Variants in INSR observed in about 807,000 individuals in gnomAD.
INSR encodes insulin receptor.
A neutral mutation model predicts 142.6 loss-of-function variants in INSR; 67 were observed. That is an observed-to-expected ratio of 0.47 (90% CI 0.39 to 0.58). The LOEUF is 0.58. INSR is among the 20% of genes least tolerant of loss of function. The probability of loss-of-function intolerance (pLI) is 0.00; values close to 1 mark genes in which losing one functional copy is unlikely to be tolerated. For missense variants in INSR, 1,248 were observed against 1,833.2 expected (o/e 0.68, Z 5.83); for synonymous variants, 756 against 743.1 (o/e 1.02, Z -0.28).
At chr19:7,170,410 A>G in intron 6 of INSR, 127 bp downstream of exon 6, 1 of 723,754 alleles carries the variant, frequency 1.4e-6, no homozygotes, top group Admixed American at 2.1e-5. Context: ...ATAGGAATAA[A>G]GTGCATAGTA....
intron 2 of INSR, among the ~76,000 whole-genome samples, chr19:7,230,299 A>C (rs1306498514): frequency 6.6e-6 from 1 of 152,162 alleles, no homozygotes; most frequent in Non-Finnish European, 1.5e-5. Context: ...CCAGCTCTAG[A>C]CTGAGGTCAG....
intron 1 of INSR, chr19:7,268,618 C>A: frequency 1.0e-6 from 1 of 985,096 alleles, no homozygotes; most frequent in Non-Finnish European, 1.2e-6. Context: ...TCCAAGACTC[C>A]TATCCTCCTC....
intron 13 of INSR, among the ~76,000 whole-genome samples, chr19:7,132,664 T>C (rs1007649928): frequency 2.0e-5 from 3 of 151,350 alleles, no homozygotes; most frequent in African/African-American, 7.3e-5. Flanking sequence ...TAATCTCGGC[T>C]CACTGCAACC....
At chr19:7,131,237 G>A (rs192425792) in intron 14 of INSR, among the ~76,000 whole-genome samples, 1 of 151,960 alleles carries the variant, frequency 6.6e-6, no homozygotes, top group Non-Finnish European at 1.5e-5. Flanking sequence ...CTTGAGAGTG[G>A]TGGGTGAGAA....
chr19:7,230,810 ATAAAAAAAAAAT>A (rs1421013876), intron 2 of INSR, among the ~76,000 whole-genome samples: 4 of 133,740 alleles, frequency 3.0e-5, no homozygotes, highest in Non-Finnish European at 4.7e-5. Flanking sequence ...CATCTCAAAA[ATAAAAAAAAAAT>A]AAAAAATATT....
At chr19:7,241,394 C>T (rs113625067) in intron 2 of INSR, among the ~76,000 whole-genome samples, 4,651 of 151,912 alleles carry the variant, frequency 0.031, 96 homozygotes, top group Middle Eastern at 0.088. Context: ...ATTGCCCAGG[C>T]GGGTGGATCA....
At chr19:7,214,593 T>C (rs933968974) in intron 2 of INSR, among the ~76,000 whole-genome samples, 1 of 152,162 alleles carries the variant, frequency 6.6e-6, no homozygotes, top group Non-Finnish European at 1.5e-5. Context: ...TTGGAGGTTT[T>C]AAACCTCTAT....
intron 2 of INSR, among the ~76,000 whole-genome samples, chr19:7,236,537 A>T (rs1449472637): frequency 6.6e-6 from 1 of 152,234 alleles, no homozygotes; most frequent in Non-Finnish European, 1.5e-5. Flanking sequence ...AAAACCATGG[A>T]TGAATCTCAA....
At chr19:7,281,333 AACAAAC>A (rs1466579686) in intron 1 of INSR, among the ~76,000 whole-genome samples, 1 of 104,242 alleles carries the variant, frequency 9.6e-6, no homozygotes. Flanking sequence ...GACAACAACA[AACAAAC>A]ACACACACAC....
chr19:7,230,604 C>T (rs923366743), intron 2 of INSR, among the ~76,000 whole-genome samples: 1 of 152,078 alleles, frequency 6.6e-6, no homozygotes, highest in Non-Finnish European at 1.5e-5. Context: ...GTCAGGAGTT[C>T]GAGACCAGCC....
At chr19:7,217,009 T>C (rs1487968109) in intron 2 of INSR, among the ~76,000 whole-genome samples, 3 of 150,886 alleles carry the variant, frequency 2.0e-5, no homozygotes, top group African/African-American at 7.3e-5. Context: ...CTTTTTTTTT[T>C]TTTTGTAGAG....
Position 7,150,646 on chromosome 19 carries a change from C to A in INSR, c.2232-114G>T. The A allele has an allele frequency of 1.1e-6, 1 of 933,188 alleles. No homozygotes were observed. 57.8% of individuals were successfully genotyped at this position (933,188 alleles called of 1,614,324 possible). A position where few individuals can be genotyped will look rare whatever the true frequency, so the allele number is the denominator to read the frequency against. ...CGAGTAAGGGCACCCTGGCTTTGAC[C>A]CTGGACCACTCGCTCCCATCACTTG... On this transcript the variant is annotated intron_variant, in intron 10 of 21. Coordinates refer to ENST00000302850, the MANE Select transcript of INSR (RefSeq NM_000208.4). The surrounding 1 kb of genome is among the most constrained non-coding windows in gnomAD (Gnocchi z 4.2).
chr19:7,239,646 A>T (rs1031821595), intron 2 of INSR, among the ~76,000 whole-genome samples: 1 of 152,180 alleles, frequency 6.6e-6, no homozygotes, highest in African/African-American at 2.4e-5. Flanking sequence ...GGACACCAAG[A>T]TGTTCATTGC....
chr19:7,123,013 CT>C (rs765405009), intron 17 of INSR, 24 bp from the exon 18 acceptor site: 1 of 1,539,980 alleles, frequency 6.5e-7, no homozygotes, highest in South Asian at 1.2e-5. Context: ...AACCAGGGTT[CT>C]TGGAGGAGGG....
chr19:7,280,389 G>GCCAAAGTTTGAGACCCGTCTCTA (rs1968175213), intron 1 of INSR, among the ~76,000 whole-genome samples: 3 of 151,984 alleles, frequency 2.0e-5, no homozygotes, highest in Admixed American at 2.0e-4. Flanking sequence ...GCCCAGCCTG[G>GCCAAAGTTTGAGACCCGTCTCTA]CCAAAGTTTG....
At chr19:7,190,433 T>C (rs1363839442) in intron 2 of INSR, among the ~76,000 whole-genome samples, 1 of 145,438 alleles carries the variant, frequency 6.9e-6, no homozygotes, top group Non-Finnish European at 1.5e-5. Context: ...AGTGCAATGG[T>C]GAGAACTCAG....
Position 7,143,826 on chromosome 19 carries a change from G to A in INSR, c.2268-736C>T, listed in dbSNP as rs138667493. Among the ~76,000 whole-genome samples the A allele has an allele frequency of 2.2e-3, 340 of 152,246 alleles. 10 individuals carry two copies. The East Asian group carries it at 0.051, about 23-fold the overall frequency. ...TCCCAGTACTTTGGGAGGCCAAGGC[G>A]GGCAGATAACCTGAGGTTAGGAGTT... On this transcript the variant is annotated intron_variant, in intron 11 of 21. Coordinates refer to ENST00000302850, the MANE Select transcript of INSR (RefSeq NM_000208.4).
Position 7,293,837 on chromosome 19 carries a change from C to T in INSR, c.55G>A (p.Ala19Thr), listed in dbSNP as rs1015767960. Residue 19 changes from alanine to threonine, a missense_variant, in exon 1 of 22, where the codon GCC (alanine) becomes ACC (threonine). By Grantham distance (58) the Ala-to-Thr change is moderately conservative. Coordinates refer to ENST00000302850, the MANE Select transcript of INSR (RefSeq NM_000208.4). ...CCCGCGGCGCCCAGTAGCAGCGCGG[C>T]CACCGCCACCAGCAGCGGCGCGGCC... ...AAAAPLLVAV[A>T]ALLLGAAGHL... is the part of the protein sequence containing the mutation. 3.8e-6 allele frequency: 5 copies of T among 1,309,866 alleles called. No homozygotes were observed. Among genetic ancestry groups the T allele is most frequent in the African/African-American group, 1.5e-5 (1 of 64,798 alleles). The allele number at this position is 1,309,866 out of a possible 1,614,324, so 81.1% of individuals were successfully genotyped here. A position where few individuals can be genotyped will look rare whatever the true frequency, so the allele number is the denominator to read the frequency against.
At chr19:7,213,060 A>AG (rs2145078121) in intron 2 of INSR, among the ~76,000 whole-genome samples, 1 of 150,838 alleles carries the variant, frequency 6.6e-6, no homozygotes, top group African/African-American at 2.4e-5. Flanking sequence ...AAACCACTAC[A>AG]GGGGGCCGGG....
Sources: gnomAD v4.1 joint callset for allele counts (sites outside exome capture counted in the v4.1 genomes callset) on GRCh38, gnomAD v4.1.1 for gene constraint, Gnocchi (gnomAD v3.1) non-coding constraint, MANE v1.5 for transcripts, NCBI Gene and HGNC (gene_info 2026-07-23, HGNC 2026-07-21) for gene names.